VTI1A: variants seen among roughly 807,000 people sequenced by gnomAD.
VTI1A encodes vesicle transport through interaction with t-SNAREs 1A, also known as vesicle transport through interaction with t-SNAREs homolog 1A.
VTI1A carries 22 observed loss-of-function variants against 34.9 expected under a neutral mutation model. The ratio of observed to expected loss-of-function variants is 0.63; its 90% CI spans 0.45 to 0.90. VTI1A has a LOEUF of 0.90. VTI1A is among the 40% of genes least tolerant of loss of function. The probability of loss-of-function intolerance (pLI) is 0.00; values close to 1 mark genes in which losing one functional copy is unlikely to be tolerated. For synonymous variants in VTI1A, 87 were observed against 97.3 expected, an observed-to-expected ratio of 0.89 and a Z score of 0.62; for missense variants, 268 against 275.6, an observed-to-expected ratio of 0.97 and a Z score of 0.20.
intron 7 of VTI1A, among the ~76,000 whole-genome samples, chr10:112,700,117 C>CAAAAAAAAAAAAAAAAAAAA (rs1201699870): frequency 4.9e-5 from 2 of 40,418 alleles, no homozygotes; most frequent in African/African-American, 6.8e-5. Context: ...GACTCCATCT[C>CAAAAAAAAAAAAAAAAAAAA]AAAAAAAAAA....
At chr10:112,737,879 T>G in intron 7 of VTI1A, 4 of 1,062,288 alleles carry the variant, frequency 3.8e-6, no homozygotes, top group Non-Finnish European at 4.6e-6. Context: ...AGCCGTAGGA[T>G]CGATGCCTTT....
chr10:112,728,021 C>G (rs1418245754), intron 7 of VTI1A, among the ~76,000 whole-genome samples: 2 of 152,176 alleles, frequency 1.3e-5, no homozygotes, highest in Non-Finnish European at 2.9e-5. Flanking sequence ...TTCCACACCC[C>G]TAGCAGCACA....
chr10:112,471,682 TA>T (rs937285020), intron 3 of VTI1A, among the ~76,000 whole-genome samples: 39 of 150,308 alleles, frequency 2.6e-4, no homozygotes, highest in East Asian at 1.4e-3. Context: ...AAACAACTTT[TA>T]AAAAAAAAAT....
At chr10:112,531,328 A>G (rs1260318695) in intron 4 of VTI1A, among the ~76,000 whole-genome samples, 2 of 152,178 alleles carry the variant, frequency 1.3e-5, no homozygotes, top group Non-Finnish European at 2.9e-5. Context: ...ATAACTCAAC[A>G]TGGTGGCATT....
intron 5 of VTI1A, among the ~76,000 whole-genome samples, chr10:112,598,966 C>T (rs1844776743): frequency 6.6e-6 from 1 of 152,116 alleles, no homozygotes; most frequent in Admixed American, 6.5e-5. Flanking sequence ...AACAAGAAAC[C>T]AAGTTGCAGT....
chr10:112,684,675 G>A (rs1449688354), intron 7 of VTI1A, among the ~76,000 whole-genome samples: 7 of 152,022 alleles, frequency 4.6e-5, no homozygotes, highest in Non-Finnish European at 7.4e-5. Context: ...TGCTGACCTC[G>A]TGATCGGCCC....
chr10:112,581,920 A>G (rs917950143), intron 5 of VTI1A, among the ~76,000 whole-genome samples: 1 of 152,224 alleles, frequency 6.6e-6, no homozygotes, highest in African/African-American at 2.4e-5. Context: ...TATAACATCT[A>G]AGTAAAAATA....
At chr10:112,533,618 C>G in intron 4 of VTI1A, 1 of 904,692 alleles carries the variant, frequency 1.1e-6, no homozygotes, top group Non-Finnish European at 1.3e-6. Context: ...GTTTTTAAAT[C>G]TGAAGTGGAT....
In VTI1A at chr10:112,738,599, T is replaced by G. The variant is rs146918815; in HGVS notation, c.560+69601T>G. On this transcript the variant is annotated intron_variant, in intron 7 of 7. Coordinates refer to ENST00000393077, the MANE Select transcript of VTI1A (RefSeq NM_145206.4). The stretch of plus-strand genomic sequence containing the variant: ...GGAGAGAAATCAAGACATGTAAAGT[T>G]CAGTGTAAAATTAATCTTTTCTCCC... Among the ~76,000 whole-genome samples, 131 of 152,316 alleles carry G rather than the reference T, an allele frequency of 8.6e-4. 4 individuals carry two copies. The East Asian group carries it at 0.022, about 26-fold the overall frequency.
At chr10:112,526,785 C>A (rs772786365) in intron 3 of VTI1A, among the ~76,000 whole-genome samples, 4 of 151,418 alleles carry the variant, frequency 2.6e-5, no homozygotes, top group Admixed American at 1.3e-4. Flanking sequence ...AGCTGTATTT[C>A]TTTCAGCTTA....
At chr10:112,829,022 T>G in the VTI1A span, among the ~76,000 whole-genome samples, 1 of 152,146 alleles carries the variant, frequency 6.6e-6, no homozygotes, top group Admixed American at 6.5e-5. Context: ...AGGAGTTCAG[T>G]CACAGAGAGA....
chr10:112,678,294 C>T lies in VTI1A; in HGVS notation c.560+9296C>T, dbSNP rs537900599. ...TATGAAGGGTGCACTTTACATTTTC[C>T]GTCAATGCCTTCTTTGAACGCAGCC... On this transcript the variant is annotated intron_variant, in intron 7 of 7. Coordinates refer to ENST00000393077, the MANE Select transcript of VTI1A (RefSeq NM_145206.4). Among the ~76,000 whole-genome samples, 14 of 152,202 alleles carry T rather than the reference C, an allele frequency of 9.2e-5. No individual in the cohort carries two copies. The East Asian group carries it at 1.7e-3, about 19-fold the overall frequency.
intron 7 of VTI1A, among the ~76,000 whole-genome samples, chr10:112,807,181 G>A (rs898213210): frequency 1.3e-5 from 2 of 152,138 alleles, no homozygotes; most frequent in Non-Finnish European, 2.9e-5. Flanking sequence ...AGGTGGAGAC[G>A]TGGAAAACAG....
intron 1 of VTI1A, chr10:112,450,188 G>A (rs1847183115): frequency 6.6e-6 from 1 of 152,060 alleles, no homozygotes; most frequent in East Asian, 1.9e-4. Flanking sequence ...CACCGCACCT[G>A]GCCTGATCAT....
intron 7 of VTI1A, among the ~76,000 whole-genome samples, chr10:112,768,088 A>G (rs369233714): frequency 3.5e-4 from 54 of 152,334 alleles, no homozygotes; most frequent in African/African-American, 1.1e-3. Flanking sequence ...CCTGCCCCGC[A>G]TATTCCACTT....
chr10:112,779,412 G>C (rs1852048211), intron 7 of VTI1A, among the ~76,000 whole-genome samples: 1 of 152,218 alleles, frequency 6.6e-6, no homozygotes, highest in African/African-American at 2.4e-5. Flanking sequence ...AGTAAACAGT[G>C]ATTTCTTAAA....
chr10:112,523,300 G>C (rs999064065), intron 3 of VTI1A, among the ~76,000 whole-genome samples: 4 of 152,056 alleles, frequency 2.6e-5, no homozygotes, highest in African/African-American at 9.7e-5. Context: ...CATATACCAA[G>C]TAAAAATCGA....
At chr10:112,704,466 A>T (rs994772506) in intron 7 of VTI1A, among the ~76,000 whole-genome samples, 2 of 152,182 alleles carry the variant, frequency 1.3e-5, no homozygotes, top group Non-Finnish European at 2.9e-5. Flanking sequence ...ACTTTTCACC[A>T]AGACATAGGC....
chr10:112,628,807 CA>C (rs1468534263), intron 5 of VTI1A, among the ~76,000 whole-genome samples: 2 of 151,836 alleles, frequency 1.3e-5, no homozygotes, highest in Non-Finnish European at 2.9e-5. Context: ...ATTATAAATA[CA>C]GAAAACCTTA....
Sources: allele counts gnomAD v4.1 joint callset (sites outside exome capture counted in the v4.1 genomes callset), GRCh38; gene constraint gnomAD v4.1.1; transcripts MANE v1.5; gene names NCBI Gene and HGNC (gene_info 2026-07-23, HGNC 2026-07-21).